SLC38A9: variants seen among roughly 807,000 people sequenced by gnomAD.
SLC38A9 encodes the protein neutral amino acid transporter 9.
A neutral mutation model predicts 62.3 loss-of-function variants in SLC38A9; 48 were observed. That is an observed-to-expected ratio of 0.77 (90% confidence interval 0.61 to 0.98). The LOEUF (loss-of-function observed/expected upper bound fraction) is 0.98. Ranked by LOEUF, SLC38A9 falls within the 50% of genes least tolerant of loss-of-function variation. The probability of loss-of-function intolerance (pLI) is 0.00; values close to 1 mark genes in which losing one functional copy is unlikely to be tolerated. For missense variants in SLC38A9, 541 were observed against 679.8 expected (o/e 0.80, Z 2.27); for synonymous variants, 204 against 227.7 (o/e 0.90, Z 0.94).
intron 10 of SLC38A9, among the ~76,000 whole-genome samples, chr5:55,651,536 C>G (rs1453045637): frequency 6.6e-6 from 1 of 152,056 alleles, no homozygotes; most frequent in African/African-American, 2.4e-5. Context: ...GCGTGAGCCA[C>G]CACACCTGGC....
chr5:55,692,141 T>C (rs1754839353), intron 3 of SLC38A9, among the ~76,000 whole-genome samples: 1 of 152,204 alleles, frequency 6.6e-6, no homozygotes, highest in African/African-American at 2.4e-5. Context: ...ATAAATGCTA[T>C]TTAAACTAGT....
intron 3 of SLC38A9, among the ~76,000 whole-genome samples, chr5:55,692,114 T>C (rs961501265): frequency 6.6e-6 from 1 of 152,218 alleles, no homozygotes; most frequent in African/African-American, 2.4e-5. Flanking sequence ...TGTAAGATGA[T>C]TGTAAGTAGC....
chr5:55,647,699 A>C (rs1291729720), intron 11 of SLC38A9, among the ~76,000 whole-genome samples: 1 of 152,200 alleles, frequency 6.6e-6, no homozygotes, highest in East Asian at 1.9e-4. Context: ...TTAGGTTTCT[A>C]ACTTGTCATA....
intron 4 of SLC38A9, among the ~76,000 whole-genome samples, chr5:55,671,716 C>T (rs149222065): frequency 0.013 from 1,956 of 152,012 alleles, 17 homozygotes; most frequent in Non-Finnish European, 0.022. Flanking sequence ...GGTGTGGTGG[C>T]GCACACCTGT....
At chr5:55,686,795 T>C (rs902998798) in intron 3 of SLC38A9, among the ~76,000 whole-genome samples, 5 of 152,202 alleles carry the variant, frequency 3.3e-5, no homozygotes, top group Non-Finnish European at 7.3e-5. Context: ...AATTTTTGTA[T>C]ATGGTTAAGG....
chr5:55,633,824 C>T lies in SLC38A9; in HGVS notation c.1360G>A (p.Val454Ile), dbSNP rs767001509. 3 of 1,613,982 alleles carry T rather than the reference C, an allele frequency of 1.9e-6. No homozygotes were observed. Among genetic ancestry groups the T allele is most frequent in the African/African-American group, 1.3e-5 (1 of 74,900 alleles). ...RIFLLFQMMT[V>I]YPLLGYLARV... ...GCCAGGTAGCCTAAGAGTGGGTATA[C>T]AGTCATCATCTGGAACAGCAGGAAT... The change falls in exon 14 of 16, where the codon GTA becomes ATA. Residue 454 changes from valine (V) to isoleucine (I), a missense_variant. Transcript: ENST00000396865.
intron 3 of SLC38A9, among the ~76,000 whole-genome samples, chr5:55,692,012 A>G (rs1467350811): frequency 6.6e-6 from 1 of 152,244 alleles, no homozygotes; most frequent in African/African-American, 2.4e-5. Context: ...TGGAAGAGAT[A>G]GAAAACCACA....
chr5:55,682,917 TAATG>T (rs1441906428), intron 3 of SLC38A9, among the ~76,000 whole-genome samples: 3 of 148,792 alleles, frequency 2.0e-5, no homozygotes, highest in Non-Finnish European at 4.4e-5. Flanking sequence ...AGAAGGAACA[TAATG>T]AATGTTTGCT....
intron 2 of SLC38A9, among the ~76,000 whole-genome samples, chr5:55,709,857 G>C (rs1757770462): frequency 6.6e-6 from 1 of 151,906 alleles, no homozygotes; most frequent in Non-Finnish European, 1.5e-5. Flanking sequence ...AAGAGGTCAG[G>C]AGATCAAGAC....
intron 2 of SLC38A9, among the ~76,000 whole-genome samples, chr5:55,706,978 G>A (rs1413833074): frequency 1.3e-5 from 2 of 150,008 alleles, no homozygotes; most frequent in Non-Finnish European, 3.0e-5. Flanking sequence ...GTCTCACTCT[G>A]TCACCCAGGC....
chr5:55,648,946 T>C (rs184752325), intron 11 of SLC38A9, among the ~76,000 whole-genome samples: 2 of 152,216 alleles, frequency 1.3e-5, no homozygotes, highest in South Asian at 2.1e-4. Context: ...TAAGAAAGGC[T>C]AGATGAAAAA....
chr5:55,633,625 G>T, intron 14 of SLC38A9, 129 bp downstream of exon 14: 10 of 1,230,230 alleles, frequency 8.1e-6, no homozygotes, highest in Non-Finnish European at 1.0e-5. Flanking sequence ...GGACACCAAT[G>T]ATCTATCTTT....
At chr5:55,639,349 A>C (rs1745028908) in intron 12 of SLC38A9, among the ~76,000 whole-genome samples, 1 of 152,130 alleles carries the variant, frequency 6.6e-6, no homozygotes, top group Non-Finnish European at 1.5e-5. Flanking sequence ...CGTGGGAAAA[A>C]AAAATGTATG....
chr5:55,643,653 T>C (rs1745803973), intron 12 of SLC38A9, among the ~76,000 whole-genome samples: 1 of 152,216 alleles, frequency 6.6e-6, no homozygotes, highest in Non-Finnish European at 1.5e-5. Context: ...ATTGTGGATT[T>C]GTCTACTTCT....
Position 55,668,274 on chromosome 5 carries a change from T to A in SLC38A9, c.526+954A>T, listed in dbSNP as rs947768900. On this transcript the variant is annotated intron_variant, in intron 7 of 15. Transcript: ENST00000396865. ...TGAATTAGATAAGACATGAACTTAC[T>A]GTATACATTTAAAGAAGTCTTCCAA... 2.0e-5 allele frequency among the ~76,000 whole-genome samples: 3 copies of A among 152,244 alleles called. 1 individual carries two copies. Among genetic ancestry groups the A allele is most frequent in the African/African-American group, 7.2e-5 (3 of 41,452 alleles).
intron 3 of SLC38A9, chr5:55,693,506 T>C (rs1205834901): frequency 1.3e-5 from 2 of 152,196 alleles, no homozygotes; most frequent in Non-Finnish European, 2.9e-5. Flanking sequence ...ACACATACAA[T>C]TTTTGACAAT....
At chr5:55,641,166 T>C (rs944268360) in intron 12 of SLC38A9, among the ~76,000 whole-genome samples, 1 of 152,220 alleles carries the variant, frequency 6.6e-6, no homozygotes, top group Non-Finnish European at 1.5e-5. Flanking sequence ...CATTGCAATG[T>C]CAAAAATATT....
chr5:55,697,569 C>T (rs1420062884), intron 3 of SLC38A9, among the ~76,000 whole-genome samples: 1 of 148,642 alleles, frequency 6.7e-6, no homozygotes, highest in Non-Finnish European at 1.5e-5. Flanking sequence ...GTAATCAATA[C>T]ATATTTGTTA....
intron 2 of SLC38A9, among the ~76,000 whole-genome samples, chr5:55,705,211 A>T (rs1377945355): frequency 6.6e-6 from 1 of 152,156 alleles, no homozygotes. Flanking sequence ...ATATAATAGA[A>T]TTATTGAACT....
Sources: allele counts gnomAD v4.1 joint callset (sites outside exome capture counted in the v4.1 genomes callset), GRCh38; gene constraint gnomAD v4.1.1; transcripts MANE v1.5; gene names NCBI Gene and HGNC (gene_info 2026-07-23, HGNC 2026-07-21).